PARP6: variants seen among roughly 807,000 people sequenced by gnomAD.
PARP6 encodes protein mono-ADP-ribosyltransferase PARP6.
A neutral mutation model predicts 92.0 loss-of-function variants in PARP6; 27 were observed. That is an observed-to-expected ratio of 0.29 (90% CI 0.22 to 0.40). The LOEUF is 0.40. Ranked by LOEUF, PARP6 falls within the 10% of genes least tolerant of loss-of-function variation. The probability of loss-of-function intolerance (pLI) is 1.00; values close to 1 mark genes in which losing one functional copy is unlikely to be tolerated. For missense variants in PARP6, 501 were observed against 784.5 expected (o/e 0.64, Z 4.32); for synonymous variants, 272 against 281.2 (o/e 0.97, Z 0.33).
intron 15 of PARP6, chr15:72,253,900 A>C (rs547718301): frequency 5.7e-5 from 25 of 437,116 alleles, no homozygotes; most frequent in Admixed American, 1.0e-4. Flanking sequence ...GGTGTATCTT[A>C]TGTGTAAATC....
At position 72,241,750 on chromosome 15, in the gene PARP6, A is replaced by G; in HGVS notation, c.1790+151T>C. On this transcript the variant is annotated intron_variant, in intron 23 of 23. Coordinates refer to ENST00000569795, the MANE Select transcript of PARP6 (RefSeq NM_001323532.2). The surrounding 1 kb of genome is among the most constrained non-coding windows in gnomAD (Gnocchi z 4.1). ...ATCCCAACCATCTATACCCATTCCC[A>G]TCCTCCAATGGTAAAGTCCCAGTGA... The G allele has an allele frequency of 1.3e-6, 1 of 755,858 alleles. No individual in the cohort carries two copies. Among genetic ancestry groups the G allele is most frequent in the South Asian group, 1.6e-5 (1 of 62,892 alleles). The allele number at this position is 755,858 out of a possible 1,614,324, so 46.8% of individuals were successfully genotyped here.
intron 18 of PARP6, 29 bp downstream of exon 18, chr15:72,250,816 C>A (rs748538649): frequency 8.2e-7 from 1 of 1,220,294 alleles, no homozygotes; most frequent in Non-Finnish European, 1.2e-6. Flanking sequence ...CCCTCACCAC[C>A]CCCACTGCCC....
chr15:72,249,196 A>G, intron 20 of PARP6, 49 bp downstream of exon 20: 1 of 1,064,586 alleles, frequency 9.4e-7, no homozygotes, highest in Non-Finnish European at 1.5e-6. Flanking sequence ...TGTATTCACA[A>G]ATGGAGGCAA....
At chr15:72,251,132 T>C (rs568831953) in intron 17 of PARP6, 75 bp downstream of exon 17, 6 of 1,077,694 alleles carry the variant, frequency 5.6e-6, no homozygotes, top group East Asian at 2.4e-5. Flanking sequence ...AGGACCAATA[T>C]GGTTAGCTGG....
chr15:72,265,190 T>G lies in PARP6; in HGVS notation c.238-19A>C. The stretch of plus-strand genomic sequence containing the variant: ...CTTCCTCCTAAAAGAAGAAGGGAAA[T>G]AGTTTCCAGTTTAGCAACATAGACG... On this transcript the variant is annotated intron_variant, in intron 6 of 23. Coordinates refer to ENST00000569795, the MANE Select transcript of PARP6 (RefSeq NM_001323532.2). 1.3e-6 allele frequency: 2 copies of G among 1,560,684 alleles called. No individual in the cohort carries two copies. The highest frequency in any genetic ancestry group is 1.8e-6 in the Non-Finnish European group (2 of 1,132,386).
intron 6 of PARP6, 39 bp from the exon 7 acceptor site, chr15:72,265,210 T>A: frequency 1.4e-6 from 2 of 1,435,304 alleles, no homozygotes; most frequent in East Asian, 2.3e-5. Context: ...TTTAGCAACA[T>A]AGACGAATGG....
chr15:72,262,679 C>G (rs1166180745), intron 8 of PARP6, among the ~76,000 whole-genome samples: 2 of 152,180 alleles, frequency 1.3e-5, no homozygotes, highest in Admixed American at 1.3e-4. Context: ...TGTTCTCATC[C>G]TGATGCTAAA....
chr15:72,256,427 T>C (rs1196960305), intron 14 of PARP6, 38 bp downstream of exon 14: 3 of 1,475,286 alleles, frequency 2.0e-6, no homozygotes, highest in African/African-American at 2.9e-5. Context: ...TCTTTTATCA[T>C]TTCTGTTCCT....
At position 72,267,513 on chromosome 15, in the gene PARP6, C is replaced by T; in HGVS notation, c.-36G>A. 1 of 1,613,538 alleles carries T rather than the reference C, an allele frequency of 6.2e-7. No individual in the cohort carries two copies. Among genetic ancestry groups the T allele is most frequent in the Non-Finnish European group, 8.5e-7 (1 of 1,179,498 alleles). On this transcript the variant is annotated 5_prime_UTR_variant, in exon 3 of 24. The change abolishes the stop of an existing upstream ORF in the 5' untranslated region. Coordinates refer to ENST00000569795, the MANE Select transcript of PARP6 (RefSeq NM_001323532.2). Reference sequence around the variant, plus strand: ...GGTCACACACACTCTCAGGTCAGTGCTAGGCAGCACCCCTCCATACCACTA... The same window carrying T: ...GGTCACACACACTCTCAGGTCAGTGTTAGGCAGCACCCCTCCATACCACTA...
intron 2 of PARP6, among the ~76,000 whole-genome samples, chr15:72,268,020 G>A (rs1162550851): frequency 6.6e-6 from 1 of 152,188 alleles, no homozygotes; most frequent in Admixed American, 6.5e-5. Flanking sequence ...CCAAATTGCT[G>A]GGAATACAGG....
Position 72,266,737 on chromosome 15 carries a change from A to C in PARP6, c.81+8T>G. ...CCAACACGGGGGTCTTGGGAGATGT[A>C]ACCTCACCTGAACGCCATAGAGAAA... On this transcript the variant is annotated splice_region_variant and intron_variant, in intron 4 of 23. Coordinates refer to ENST00000569795, the MANE Select transcript of PARP6 (RefSeq NM_001323532.2). 6.2e-7 allele frequency: 1 copy of C among 1,608,374 alleles called. No homozygotes were observed. Among genetic ancestry groups the C allele is most frequent in the Non-Finnish European group, 8.5e-7 (1 of 1,174,750 alleles).
intron 1 of PARP6, among the ~76,000 whole-genome samples, chr15:72,271,812 G>A (rs1386269127): frequency 6.6e-6 from 1 of 152,238 alleles, no homozygotes; most frequent in Non-Finnish European, 1.5e-5. Flanking sequence ...CAGAGAAGGT[G>A]TTAAAACTCA....
intron 20 of PARP6, chr15:72,243,077 A>G (rs1465352754): frequency 4.9e-6 from 1 of 206,098 alleles, no homozygotes; most frequent in Non-Finnish European, 9.8e-6. Context: ...AAGGAAAGAT[A>G]AGGTAGTGTG....
intron 4 of PARP6, 96 bp downstream of exon 4, chr15:72,266,649 A>T: frequency 1.1e-6 from 1 of 875,488 alleles, no homozygotes; most frequent in South Asian, 1.4e-5. Context: ...ACCTCATCTC[A>T]TCTGTGCTCC....
chr15:72,267,294 C>A, intron 3 of PARP6, 181 bp downstream of exon 3: 1 of 646,482 alleles, frequency 1.5e-6, no homozygotes. Context: ...CCCAAGAAAA[C>A]CCACTACACA....
chr15:72,252,409 A>G (rs754311273), intron 16 of PARP6, among the ~76,000 whole-genome samples: 11 of 152,366 alleles, frequency 7.2e-5, no homozygotes, highest in Middle Eastern at 3.4e-3. Flanking sequence ...ACGCGAGATA[A>G]TGCATATGCT....
chr15:72,251,075 T>A lies in PARP6; in HGVS notation c.1309-121A>T, dbSNP rs2084289549. 6.1e-6 allele frequency: 6 copies of A among 990,620 alleles called. No homozygotes were observed. The Middle Eastern group carries it at 8.2e-4, about 136-fold the overall frequency. 61.4% of individuals were successfully genotyped at this position (990,620 alleles called of 1,614,324 possible). ...TTAACCCCACACAAGGGAAATATGC[T>A]AAGGCCCAAAGACTAAGTTGATGGA... On this transcript the variant is annotated intron_variant, in intron 17 of 23. Transcript: ENST00000569795.
chr15:72,249,908 G>A, intron 19 of PARP6, 112 bp downstream of exon 19: 1 of 708,220 alleles, frequency 1.4e-6, no homozygotes, highest in Non-Finnish European at 2.6e-6. Flanking sequence ...CCACAAGACA[G>A]GTTAGGCTTG....
rs2086777901 is a variant in PARP6 at position 72,267,675 on chromosome 15, T to C, written c.-194-4A>G. 1 of 594,068 alleles carries C rather than the reference T, an allele frequency of 1.7e-6. No homozygotes were observed. Among genetic ancestry groups the C allele is most frequent in the Non-Finnish European group, 3.1e-6 (1 of 327,340 alleles). 36.8% of individuals were successfully genotyped at this position (594,068 alleles called of 1,614,324 possible). A position where few individuals can be genotyped will look rare whatever the true frequency, so the allele number is the denominator to read the frequency against. ...GCGGTGGTAACAAGTCACTGTCCTG[T>C]GGAAAGTAGATAATAATGGGTTTCA... On this transcript the variant is annotated splice_polypyrimidine_tract_variant and splice_region_variant and intron_variant, in intron 2 of 23. Coordinates refer to ENST00000569795, the MANE Select transcript of PARP6 (RefSeq NM_001323532.2).
Sources: gnomAD v4.1 joint callset for allele counts (sites outside exome capture counted in the v4.1 genomes callset) on GRCh38, gnomAD v4.1.1 for gene constraint, Gnocchi (gnomAD v3.1) non-coding constraint, MANE v1.5 for transcripts, NCBI Gene and HGNC (gene_info 2026-07-23, HGNC 2026-07-21) for gene names.